Variants in AMZ1 observed in about 807,000 individuals in gnomAD.
AMZ1 encodes archaemetzincin-1.
In AMZ1, 39 loss-of-function variants were observed where a neutral mutation model predicts 29.9. The observed-to-expected ratio is 1.30, with a 90% CI of 1.01 to 1.70. The LOEUF (loss-of-function observed/expected upper bound fraction) is 1.70. Ranked by LOEUF, AMZ1 falls within the 40% of genes most tolerant of loss-of-function variation. The pLI is 0.00. For missense variants in AMZ1, 1,041 were observed against 680.6 expected (o/e 1.53, Z -5.89); for synonymous variants, 458 against 304.0 (o/e 1.51, Z -5.27).
intron 6 of AMZ1, 96 bp downstream of exon 6, chr7:2,709,912 A>G (rs1788657599): frequency 1.3e-6 from 2 of 1,510,422 alleles, no homozygotes; most frequent in African/African-American, 2.8e-5. Flanking sequence ...GGGACCGCAC[A>G]CAGGCTTTGT....
intron 1 of AMZ1, among the ~76,000 whole-genome samples, chr7:2,694,264 C>T (rs1329976681): frequency 2.0e-5 from 3 of 152,162 alleles, no homozygotes; most frequent in Non-Finnish European, 2.9e-5. Context: ...TTTCCTGCCT[C>T]GCCGCTGGAG....
chr7:2,724,966 G>A (rs1200557159), intron 4 of AMZ1, among the ~76,000 whole-genome samples: 4 of 146,674 alleles, frequency 2.7e-5, no homozygotes, highest in East Asian at 2.0e-4. Context: ...GCTTTTCTGC[G>A]CAGAAGCACT....
At chr7:2,712,128 T>C (rs1459841279) in intron 6 of AMZ1, among the ~76,000 whole-genome samples, 4 of 152,008 alleles carry the variant, frequency 2.6e-5, no homozygotes, top group Admixed American at 6.6e-5. Context: ...CTCTTGGGGG[T>C]GGGTACCTCT....
intron 1 of AMZ1, among the ~76,000 whole-genome samples, chr7:2,692,881 C>G (rs994760526): frequency 1.4e-4 from 22 of 152,200 alleles, no homozygotes; most frequent in Non-Finnish European, 2.9e-4. Context: ...CCAATTTGTT[C>G]CAGCCACACT....
chr7:2,686,057 C>G (rs1174619431), upstream of AMZ1, among the ~76,000 whole-genome samples: 2 of 152,162 alleles, frequency 1.3e-5, no homozygotes, highest in East Asian at 3.9e-4. Flanking sequence ...ACAAGATCGT[C>G]TATCACAGTG....
intron 4 of AMZ1, among the ~76,000 whole-genome samples, chr7:2,757,080 G>C (rs1347692211): frequency 6.6e-6 from 1 of 151,294 alleles, no homozygotes; most frequent in Admixed American, 6.6e-5. Context: ...GTCCCAAGGC[G>C]GGGGAAAAAA....
intron 4 of AMZ1, among the ~76,000 whole-genome samples, chr7:2,733,077 G>A (rs890846297): frequency 2.6e-5 from 4 of 152,162 alleles, no homozygotes; most frequent in African/African-American, 4.8e-5. Flanking sequence ...ATTTGCTCCC[G>A]GAGGCCGGGG....
rs1789242125 is a variant in AMZ1 at position 2,718,216 on chromosome 7, ACCCTGGGGCTCCT to A, written c.*5340_*5352del. ...GCCCGGCATGGAGTCACGTGGCTCC[ACCCTGGGGCTCCT>A]CTGATGCCGAGAGCTCTGGCTCTCC... On this transcript the variant is annotated 3_prime_UTR_variant, in exon 7 of 7. Transcript: ENST00000683327. 6.6e-6 allele frequency among the ~76,000 whole-genome samples: 1 copy of A among 152,104 alleles called. No individual in the cohort carries two copies. Among genetic ancestry groups the A allele is most frequent in the African/African-American group, 2.4e-5 (1 of 41,418 alleles).
rs1458785312 is a variant in AMZ1 at position 2,718,454 on chromosome 7, G to C, written c.*5576G>C. Among the ~76,000 whole-genome samples, 1 of 152,212 alleles carries C rather than the reference G, an allele frequency of 6.6e-6. No homozygotes were observed. Among genetic ancestry groups the C allele is most frequent in the African/African-American group, 2.4e-5 (1 of 41,470 alleles). On this transcript the variant is annotated 3_prime_UTR_variant, in exon 7 of 7. Transcript: ENST00000683327. ...TCTGTCTCGTGGGCCTCCTTCAGTGGTCTGTGACCAGCGGGAATGAATGGG... is the reference window on the plus strand; with the variant it reads ...TCTGTCTCGTGGGCCTCCTTCAGTGCTCTGTGACCAGCGGGAATGAATGGG...
intron 3 of AMZ1, 126 bp from the exon 4 acceptor site, chr7:2,708,462 C>A (rs911833749): frequency 7.0e-7 from 1 of 1,436,850 alleles, no homozygotes; most frequent in Non-Finnish European, 9.3e-7. Context: ...CGCTGGTGGC[C>A]CACACCTGAC....
chr7:2,693,327 A>G (rs931838302), intron 1 of AMZ1, among the ~76,000 whole-genome samples: 3 of 151,748 alleles, frequency 2.0e-5, no homozygotes, highest in African/African-American at 7.3e-5. Flanking sequence ...ACCTCAGGTG[A>G]TTGCCCGCCT....
chr7:2,696,367 C>T (rs1787729721), intron 1 of AMZ1, among the ~76,000 whole-genome samples: 1 of 150,740 alleles, frequency 6.6e-6, no homozygotes, highest in Non-Finnish European at 1.5e-5. Context: ...CGCCATTCTC[C>T]TGCCTCAGCC....
Position 2,700,332 on chromosome 7 carries a change from C to T in AMZ1, c.-120C>T. ...GGACCAGTGTCTGTCTGCAGGGAGCCCCCGGTAGCCACTCGGATCAGCCCG... is the reference window on the plus strand; with the variant it reads ...GGACCAGTGTCTGTCTGCAGGGAGCTCCCGGTAGCCACTCGGATCAGCCCG... On this transcript the variant is annotated 5_prime_UTR_variant, in exon 2 of 7. Transcript: ENST00000683327. 8.4e-7 allele frequency: 1 copy of T among 1,196,512 alleles called. No homozygotes were observed. 74.1% of individuals were successfully genotyped at this position (1,196,512 alleles called of 1,614,324 possible).
rs376197493 is a variant in AMZ1 at position 2,737,669 on chromosome 7, G to C, written n.551-27043G>C. Among the ~76,000 whole-genome samples, 77 of 152,240 alleles carry C rather than the reference G, an allele frequency of 5.1e-4. 1 individual carries two copies. The East Asian group carries it at 7.9e-3, about 16-fold the overall frequency. On this transcript the variant is annotated intron_variant and non_coding_transcript_variant, in intron 4 of 4. Coordinates refer to the AMZ1 transcript ENST00000489665. ...CATTCACACTGTGACCGAAAACAGG[G>C]CTTGTTAATGGTGAGCTAGAGGATT... is the stretch of plus-strand genomic sequence containing the variant.
chr7:2,733,799 C>G (rs1274312498), intron 4 of AMZ1, among the ~76,000 whole-genome samples: 2 of 152,206 alleles, frequency 1.3e-5, no homozygotes, highest in Non-Finnish European at 2.9e-5. Flanking sequence ...GGGGGACTCT[C>G]TTTCCAGACA....
intron 4 of AMZ1, among the ~76,000 whole-genome samples, chr7:2,757,548 G>C (rs998314223): frequency 3.3e-5 from 5 of 152,160 alleles, no homozygotes; most frequent in Non-Finnish European, 5.9e-5. Context: ...CCTTAGATGG[G>C]AACGCGGCCA....
At chr7:2,751,021 T>G (rs1361827409) in intron 4 of AMZ1, among the ~76,000 whole-genome samples, 1 of 152,154 alleles carries the variant, frequency 6.6e-6, no homozygotes, top group African/African-American at 2.4e-5. Context: ...TTCAAGACAA[T>G]GTTAAAATAT....
chr7:2,682,585 C>A (rs1786922257), intron 1 of AMZ1, among the ~76,000 whole-genome samples: 1 of 152,148 alleles, frequency 6.6e-6, no homozygotes, highest in African/African-American at 2.4e-5. Context: ...CCCCGTGCAT[C>A]CTGCCTGGAC....
chr7:2,745,818 C>G (rs930479870), intron 4 of AMZ1, among the ~76,000 whole-genome samples: 10 of 152,090 alleles, frequency 6.6e-5, no homozygotes, highest in Non-Finnish European at 1.3e-4. Flanking sequence ...TAAAGGGATG[C>G]AGGAAGATCT....
Sources: allele counts gnomAD v4.1 joint callset (sites outside exome capture counted in the v4.1 genomes callset), GRCh38; gene constraint gnomAD v4.1.1; transcripts MANE v1.5; gene names NCBI Gene and HGNC (gene_info 2026-07-23, HGNC 2026-07-21).